The following CELF5 variants were observed in gnomAD, a reference collection of about 807,000 sequenced individuals.
CELF5 encodes the protein CUGBP Elav-like family member 5, also known as CUG-BP and ETR-3 like factor 5.
A neutral mutation model predicts 54.9 loss-of-function variants in CELF5; 6 were observed. The ratio of observed to expected loss-of-function variants is 0.11; its 90% CI spans 0.06 to 0.22. The LOEUF (loss-of-function observed/expected upper bound fraction) is 0.22, where lower values mean the gene tolerates loss of function less well. Ranked by LOEUF, CELF5 falls within the 10% of genes least tolerant of loss-of-function variation. The pLI is 1.00. For missense variants in CELF5, 401 were observed against 678.6 expected (o/e 0.59, Z 4.54); for synonymous variants, 271 against 290.9 (o/e 0.93, Z 0.70).
At chr19:3,284,998 T>TGGCCCCGCCCCCGCCCAGGGCCCC (rs777350600) in intron 9 of CELF5, 34 bp downstream of exon 9, 5 of 1,504,330 alleles carry the variant, frequency 3.3e-6, no homozygotes, top group Non-Finnish European at 4.6e-6. Context: ...CGCTGGGCCC[T>TGGCCCCGCCCCCGCCCAGGGCCCC]GGCCCCGCCC....
chr19:3,288,396 C>G (rs549785765), intron 10 of CELF5, among the ~76,000 whole-genome samples: 1 of 152,150 alleles, frequency 6.6e-6, no homozygotes, highest in African/African-American at 2.4e-5. Context: ...GTGACGCATG[C>G]CTGTAATCCC....
chr19:3,241,932 G>T (rs1039487542), intron 1 of CELF5, among the ~76,000 whole-genome samples: 1 of 151,954 alleles, frequency 6.6e-6, no homozygotes, highest in African/African-American at 2.4e-5. Context: ...GCGCCGCCAC[G>T]CCCAGCTAAT....
intron 1 of CELF5, among the ~76,000 whole-genome samples, chr19:3,247,406 G>A (rs536503289): frequency 4.5e-4 from 68 of 151,934 alleles, no homozygotes; most frequent in Middle Eastern, 3.4e-3. Flanking sequence ...GATTACAGGC[G>A]TGAGCCATCA....
At chr19:3,250,872 CATCTGT>C in intron 1 of CELF5, 107 bp from the exon 2 acceptor site, 1 of 490,878 alleles carries the variant, frequency 2.0e-6, no homozygotes, top group Non-Finnish European at 3.7e-6. Flanking sequence ...TAGATCTATG[CATCTGT>C]GGATGGAAGC....
At chr19:3,271,184 AGGTGGGGTGGGAGG>A (rs2079956944) in intron 2 of CELF5, among the ~76,000 whole-genome samples, 1 of 3,618 alleles carries the variant, frequency 2.8e-4, no homozygotes, top group East Asian at 4.9e-3. Context: ...GGGCCAACGG[AGGTGGGGTGGGAGG>A]GGTGGGGGGA....
chr19:3,246,842 A>C (rs969948890), intron 1 of CELF5, among the ~76,000 whole-genome samples: 1 of 152,228 alleles, frequency 6.6e-6, no homozygotes, highest in Non-Finnish European at 1.5e-5. Flanking sequence ...AGGACACAAT[A>C]CTACCCAGAA....
At chr19:3,263,853 C>T (rs1013941006) in intron 2 of CELF5, among the ~76,000 whole-genome samples, 5 of 151,858 alleles carry the variant, frequency 3.3e-5, no homozygotes, top group African/African-American at 7.3e-5. Flanking sequence ...TGCAGTGAGC[C>T]GAGATTGCAC....
At chr19:3,243,575 C>T in intron 1 of CELF5, among the ~76,000 whole-genome samples, 1 of 152,204 alleles carries the variant, frequency 6.6e-6, no homozygotes, top group East Asian at 1.9e-4. Context: ...TGCCACCACA[C>T]CTGGCCCAGT....
intron 10 of CELF5, among the ~76,000 whole-genome samples, 157 bp from the exon 11 acceptor site, chr19:3,290,074 C>G (rs767736193): frequency 6.6e-6 from 1 of 152,090 alleles, no homozygotes; most frequent in Non-Finnish European, 1.5e-5. Context: ...GTCTCCCTCC[C>G]CAGCCCGTGG....
chr19:3,233,128 A>C (rs1917348346), intron 1 of CELF5, among the ~76,000 whole-genome samples: 1 of 151,810 alleles, frequency 6.6e-6, no homozygotes, highest in African/African-American at 2.4e-5. Flanking sequence ...TAAATAAATA[A>C]GTTTTTAAAA....
intron 4 of CELF5, among the ~76,000 whole-genome samples, chr19:3,276,906 CAG>C (rs1341376003): frequency 6.6e-6 from 1 of 151,984 alleles, no homozygotes; most frequent in Non-Finnish European, 1.5e-5. Flanking sequence ...TCTCCACGGA[CAG>C]AGTTACCTGT....
At chr19:3,264,393 T>G (rs891535901) in intron 2 of CELF5, among the ~76,000 whole-genome samples, 1 of 151,744 alleles carries the variant, frequency 6.6e-6, no homozygotes, top group Non-Finnish European at 1.5e-5. Context: ...GTTTCACTGT[T>G]TTTTCTTTTT....
intron 4 of CELF5, among the ~76,000 whole-genome samples, chr19:3,276,488 C>G (rs1007435818): frequency 7.8e-5 from 11 of 140,606 alleles, no homozygotes; most frequent in Admixed American, 1.4e-4. Context: ...GGGGAGAGGC[C>G]CTGGGAAGGG....
chr19:3,285,640 C>G (rs1401711526), intron 9 of CELF5, among the ~76,000 whole-genome samples: 1 of 127,462 alleles, frequency 7.8e-6, no homozygotes, highest in African/African-American at 2.9e-5. Flanking sequence ...CCCCTATACC[C>G]CTCCCCTCAC....
At position 3,224,669 on chromosome 19, in the gene CELF5, C is replaced by A. The variant is rs1196115859; in HGVS notation, c.-71C>A. 7.1e-6 allele frequency: 7 copies of A among 982,912 alleles called. No homozygotes were observed. Among genetic ancestry groups the A allele is most frequent in the African/African-American group, 1.8e-5 (1 of 56,614 alleles). The allele number at this position is 982,912 out of a possible 1,614,324, so 60.9% of individuals were successfully genotyped here. A position where few individuals can be genotyped will look rare whatever the true frequency, so the allele number is the denominator to read the frequency against. Reference sequence around the variant, plus strand: ...GGGCCCGGGAGGGAGGCGGGAGGCGCGGCCGCCGCTCCAGCTGCGAGTCCG... The same window carrying A: ...GGGCCCGGGAGGGAGGCGGGAGGCGAGGCCGCCGCTCCAGCTGCGAGTCCG... On this transcript the variant is annotated 5_prime_UTR_variant, in exon 1 of 13. Transcript: ENST00000292672.
intron 1 of CELF5, among the ~76,000 whole-genome samples, chr19:3,235,810 A>G (rs368066995): frequency 0.069 from 9,642 of 140,274 alleles, 499 homozygotes; most frequent in Middle Eastern, 0.15. Flanking sequence ...GGATGGATGG[A>G]TGGATGTGTG....
intron 1 of CELF5, among the ~76,000 whole-genome samples, chr19:3,229,795 A>C (rs576303412): frequency 6.6e-6 from 1 of 152,102 alleles, no homozygotes; most frequent in Non-Finnish European, 1.5e-5. Context: ...TGACGGGGAA[A>C]GGTGTTCCTG....
In CELF5 at chr19:3,248,805, C is replaced by T. The variant is rs553700157; in HGVS notation, c.260-2180C>T. On this transcript the variant is annotated intron_variant, in intron 1 of 12. Transcript: ENST00000292672. ...GGAGGAACTGTCAAACTGTTTTCTGCAGCAGCCGTACCATTTTACATTCCT... is the reference window on the plus strand; with the variant it reads ...GGAGGAACTGTCAAACTGTTTTCTGTAGCAGCCGTACCATTTTACATTCCT... 2.6e-5 allele frequency among the ~76,000 whole-genome samples: 4 copies of T among 152,242 alleles called. No homozygotes were observed. In the East Asian group the frequency reaches 5.8e-4, roughly 22 times the overall value.
intron 1 of CELF5, among the ~76,000 whole-genome samples, chr19:3,236,848 G>A (rs1917625743): frequency 6.6e-6 from 1 of 151,860 alleles, no homozygotes; most frequent in Non-Finnish European, 1.5e-5. Context: ...AGCTGGGTGT[G>A]GTGGCGGGCC....
Sources: allele counts gnomAD v4.1 joint callset (sites outside exome capture counted in the v4.1 genomes callset), GRCh38; gene constraint gnomAD v4.1.1; transcripts MANE v1.5; gene names NCBI Gene and HGNC (gene_info 2026-07-23, HGNC 2026-07-21).